Variants in BSCL2 observed in about 807,000 individuals in gnomAD.
BSCL2 encodes seipin.
In BSCL2, 41 loss-of-function variants were observed where a neutral mutation model predicts 57.4. The ratio of observed to expected loss-of-function variants is 0.71; its 90% CI spans 0.56 to 0.93. BSCL2 has a LOEUF of 0.93. Among genes scored for constraint, BSCL2 ranks in the 40% least tolerant of loss-of-function variants. BSCL2 has a pLI of 0.00. For synonymous variants in BSCL2, 237 were observed against 227.3 expected, an observed-to-expected ratio of 1.04 and a Z score of -0.38; for missense variants, 539 against 586.7, an observed-to-expected ratio of 0.92 and a Z score of 0.84.
intron 3 of BSCL2, 73 bp from the exon 4 acceptor site, chr11:62,694,784 T>C (rs776794772): frequency 4.4e-5 from 68 of 1,534,594 alleles, no homozygotes; most frequent in Non-Finnish European, 5.7e-5. Context: ...TCCACCTCCC[T>C]CTTAGCCCCC....
intron 3 of BSCL2, among the ~76,000 whole-genome samples, chr11:62,698,562 T>A (rs1945543728): frequency 6.6e-6 from 1 of 152,228 alleles, no homozygotes; most frequent in Non-Finnish European, 1.5e-5. Flanking sequence ...TAGTTTTCCA[T>A]CAACGCTGTG....
chr11:62,705,576 T>C lies in BSCL2; in HGVS notation c.129A>G (p.Pro43=). The change falls in exon 2 of 11, where the codon CCA becomes CCG. Residue 43 remains proline, a synonymous_variant. Transcript: ENST00000360796. The part of the protein sequence containing the change: ...AAASHGQGWR[P]GGRAARNARP... ...TTGCGTTCCTAGCTGCTCTGCCACC[T>C]GGACGCCACCCCTGGCCATGGGATG... The C allele has an allele frequency of 6.3e-7, 1 of 1,581,682 alleles. No homozygotes were observed. Among genetic ancestry groups the C allele is most frequent in the Non-Finnish European group, 8.6e-7 (1 of 1,160,446 alleles).
chr11:62,690,320 G>A lies in BSCL2; in HGVS notation c.*47C>T. The stretch of plus-strand genomic sequence containing the variant: ...TATTGAAGGAAAAACGAGGGGAGAG[G>A]AGTCAGGTGGGAAAGTGCTGGAATG... On this transcript the variant is annotated 3_prime_UTR_variant, in exon 11 of 11. Transcript: ENST00000360796. 6.2e-7 allele frequency: 1 copy of A among 1,612,576 alleles called. No individual in the cohort carries two copies. The highest frequency in any genetic ancestry group is 8.5e-7 in the Non-Finnish European group (1 of 1,179,534).
chr11:62,696,313 T>TGTGTGTGTGTGTGA lies in BSCL2; in HGVS notation c.487-1603_487-1602insTCACACACACACAC, dbSNP rs925519812. Among the ~76,000 whole-genome samples the TGTGTGTGTGTGTGA allele has an allele frequency of 3.6e-3, 539 of 151,390 alleles. 1 individual carries two copies. Among genetic ancestry groups the TGTGTGTGTGTGTGA allele is most frequent in the Admixed American group, 5.8e-3 (88 of 15,136 alleles). On this transcript the variant is annotated intron_variant, in intron 3 of 10. Coordinates refer to ENST00000360796, the MANE Select transcript of BSCL2 (RefSeq NM_001122955.4). The stretch of plus-strand genomic sequence containing the variant: ...GTGTGTGTGTGTGTGTGTGTGTGTG[T>TGTGTGTGTGTGTGA]GAAGACAAGGTCTTGCTCTGTCACA...
At chr11:62,691,824 A>G (rs557501660) in intron 6 of BSCL2, among the ~76,000 whole-genome samples, 1 of 152,046 alleles carries the variant, frequency 6.6e-6, no homozygotes, top group Non-Finnish European at 1.5e-5. Context: ...GCCAAGGTGG[A>G]CGGATCACAA....
chr11:62,691,225 C>A, intron 7 of BSCL2, 55 bp downstream of exon 7: 1 of 1,614,078 alleles, frequency 6.2e-7, no homozygotes, highest in Non-Finnish European at 8.5e-7. Flanking sequence ...CCCAACATAC[C>A]CCTGACCACC....
intron 2 of BSCL2, among the ~76,000 whole-genome samples, chr11:62,704,176 G>C (rs954367976): frequency 6.6e-6 from 1 of 150,942 alleles, no homozygotes; most frequent in African/African-American, 2.4e-5. Flanking sequence ...GTGGGGCACA[G>C]TGGCTCACGT....
At chr11:62,694,903 G>A (rs1210207560) in intron 3 of BSCL2, among the ~76,000 whole-genome samples, 192 bp from the exon 4 acceptor site, 2 of 152,142 alleles carry the variant, frequency 1.3e-5, no homozygotes, top group African/African-American at 2.4e-5. Context: ...AGCCTCTCAC[G>A]TCCAGTTCTT....
intron 3 of BSCL2, among the ~76,000 whole-genome samples, chr11:62,699,675 G>GTTTTTT (rs71056548): frequency 2.3e-5 from 2 of 87,210 alleles, no homozygotes; most frequent in Non-Finnish European, 4.6e-5. Flanking sequence ...ATCCTATCTG[G>GTTTTTT]TTTTTTTTTT....
chr11:62,694,567 C>T lies in BSCL2; in HGVS notation c.630+1G>A, dbSNP rs1945400235. On this transcript the variant is annotated splice_donor_variant, in intron 4 of 10. Coordinates refer to ENST00000360796, the MANE Select transcript of BSCL2 (RefSeq NM_001122955.4). LOFTEE classifies it high-confidence loss of function. The stretch of plus-strand genomic sequence containing the variant: ...TTCTCAGACAGGCCACCAACACTTA[C>T]CGAACGCGAAGAAGTGGAGATGATT... The T allele has an allele frequency of 2.5e-6, 4 of 1,613,950 alleles. No homozygotes were observed. The highest frequency in any genetic ancestry group is 3.4e-6 in the Non-Finnish European group (4 of 1,179,984).
upstream of BSCL2, chr11:62,708,032 G>T: frequency 2.0e-6 from 1 of 501,406 alleles, no homozygotes; most frequent in Non-Finnish European, 3.6e-6. Context: ...TGGTTTGAAG[G>T]GCTGAAAAGC....
At position 62,705,588 on chromosome 11, in the gene BSCL2, CT is replaced by C; in HGVS notation, c.116del (p.Gln39ArgfsTer117). ...CTGCTCTGCCACCTGGACGCCACCC[CT>C]GGCCATGGGATGCAGCAGCTGGTGG... is the stretch of plus-strand genomic sequence containing the variant. ...EEPPAAASHG[Q>X]GWRPGGRAAR... On this transcript the variant is annotated frameshift_variant, in exon 2 of 11. Coordinates refer to ENST00000360796, the MANE Select transcript of BSCL2 (RefSeq NM_001122955.4). LOFTEE classifies it high-confidence loss of function. 1.3e-6 allele frequency: 2 copies of C among 1,564,228 alleles called. No homozygotes were observed. The highest frequency in any genetic ancestry group is 1.9e-5 in the Admixed American group (1 of 52,366).
rs746737457 is a variant in BSCL2 at position 62,690,839 on chromosome 11, C to A, written c.1101G>T (p.Pro367=). The A allele has an allele frequency of 1.9e-6, 3 of 1,613,666 alleles. No homozygotes were observed. Among genetic ancestry groups the A allele is most frequent in the South Asian group, 1.1e-5 (1 of 91,068 alleles). ...PGPEGQEEST[P]QSDVTEDGES... ...CACCATCCTCTGTAACATCTGATTGCGGAGTTGACTCCTCCTGGCCTTCAG... is the reference window on the plus strand; with the variant it reads ...CACCATCCTCTGTAACATCTGATTGAGGAGTTGACTCCTCCTGGCCTTCAG... The change falls in exon 9 of 11, where the codon CCG becomes CCT. Residue 367 remains proline, a synonymous_variant. Transcript: ENST00000360796.
At position 62,690,317 on chromosome 11, in the gene BSCL2, G is replaced by C; in HGVS notation, c.*50C>G. 2.5e-6 allele frequency: 4 copies of C among 1,612,212 alleles called. No homozygotes were observed. Among genetic ancestry groups the C allele is most frequent in the Non-Finnish European group, 3.4e-6 (4 of 1,179,268 alleles). On this transcript the variant is annotated 3_prime_UTR_variant, in exon 11 of 11. Coordinates refer to ENST00000360796, the MANE Select transcript of BSCL2 (RefSeq NM_001122955.4). ...GTTTATTGAAGGAAAAACGAGGGGAGAGGAGTCAGGTGGGAAAGTGCTGGA... is the reference window on the plus strand; with the variant it reads ...GTTTATTGAAGGAAAAACGAGGGGACAGGAGTCAGGTGGGAAAGTGCTGGA...
chr11:62,690,947 G>A (rs1481809269), intron 8 of BSCL2, 80 bp from the exon 9 acceptor site: 21 of 1,576,528 alleles, frequency 1.3e-5, no homozygotes, highest in South Asian at 5.6e-5. Flanking sequence ...CACCTTCCTC[G>A]CCTTTCCTTT....
chr11:62,702,407 A>C, intron 3 of BSCL2, 61 bp downstream of exon 3: 21 of 1,469,078 alleles, frequency 1.4e-5, no homozygotes, highest in Non-Finnish European at 2.0e-5. Context: ...GCCTTTCTCA[A>C]GTCTTCCTAT....
At chr11:62,695,540 G>A (rs763319492) in intron 3 of BSCL2, among the ~76,000 whole-genome samples, 112 of 143,892 alleles carry the variant, frequency 7.8e-4, no homozygotes, top group Non-Finnish European at 1.2e-3. Context: ...GAAACCCCCC[G>A]TCTCTATTAA....
chr11:62,706,651 G>A (rs1565153938), intron 1 of BSCL2: 1 of 474,912 alleles, frequency 2.1e-6, no homozygotes, highest in South Asian at 1.5e-5. Flanking sequence ...GCGGCCGAGT[G>A]AGGCGGTCAT....
intron 9 of BSCL2, 25 bp from the exon 10 acceptor site, chr11:62,690,717 G>A: frequency 6.2e-7 from 1 of 1,613,790 alleles, no homozygotes; most frequent in South Asian, 1.1e-5. Flanking sequence ...GGAATGCAGG[G>A]GTCAGACCCA....
Sources: gnomAD v4.1 joint callset for allele counts (sites outside exome capture counted in the v4.1 genomes callset) on GRCh38, gnomAD v4.1.1 for gene constraint, MANE v1.5 for transcripts, NCBI Gene and HGNC (gene_info 2026-07-23, HGNC 2026-07-21) for gene names.